The following EML4 variants were observed in gnomAD, a reference collection of about 807,000 sequenced individuals.
EML4 encodes EMAP like 4.
In EML4, 72 loss-of-function variants were observed where a neutral mutation model predicts 129.0. The ratio of observed to expected loss-of-function variants is 0.56; its 90% confidence interval spans 0.46 to 0.68. The LOEUF (loss-of-function observed/expected upper bound fraction) is 0.68, where lower values mean the gene tolerates loss of function less well. Among genes scored for constraint, EML4 ranks in the 30% least tolerant of loss-of-function variants. EML4 has a pLI of 0.00. For missense variants in EML4, 1,363 were observed against 1,190.6 expected (o/e 1.14, Z -2.13); for synonymous variants, 532 against 405.0 (o/e 1.31, Z -3.77).
intron 19 of EML4, chr2:42,325,246 G>T (rs372358576): frequency 3.3e-6 from 2 of 599,402 alleles, no homozygotes; most frequent in Non-Finnish European, 6.4e-6. Context: ...ACAGGTAGTA[G>T]GTGCTAGTTT....
chr2:42,316,868 C>G (rs1181020736), intron 18 of EML4, among the ~76,000 whole-genome samples: 1 of 152,166 alleles, frequency 6.6e-6, no homozygotes, highest in Non-Finnish European at 1.5e-5. Context: ...TCATGAAGCA[C>G]AAAAATTTTA....
chr2:42,252,341 G>A (rs11687386), intron 2 of EML4, among the ~76,000 whole-genome samples: 44,148 of 151,894 alleles, frequency 0.29, 7,656 homozygotes, highest in East Asian at 0.56. Flanking sequence ...CTTCATCCTG[G>A]CATTATGATG....
intron 2 of EML4, among the ~76,000 whole-genome samples, chr2:42,248,933 A>G (rs1033045577): frequency 9.2e-5 from 14 of 152,254 alleles, no homozygotes; most frequent in Middle Eastern, 6.8e-3. Flanking sequence ...TATGTTTCCA[A>G]TAGTGATATT....
intron 9 of EML4, 40 bp downstream of exon 9, chr2:42,284,743 T>C (rs1317022311): frequency 6.9e-7 from 1 of 1,446,468 alleles, no homozygotes. Flanking sequence ...CCTAGAGACA[T>C]TGCTGTTAGA....
chr2:42,231,784 C>G (rs1388657965), intron 1 of EML4, among the ~76,000 whole-genome samples: 1 of 152,064 alleles, frequency 6.6e-6, no homozygotes, highest in Non-Finnish European at 1.5e-5. Context: ...CCTGTCTCTA[C>G]TAAATATACA....
intron 1 of EML4, among the ~76,000 whole-genome samples, chr2:42,231,649 A>T (rs924713752): frequency 6.6e-6 from 1 of 152,084 alleles, no homozygotes; most frequent in South Asian, 2.1e-4. Context: ...AGTATCATCT[A>T]TTAAAATTAT....
chr2:42,185,210 G>T lies in EML4; in HGVS notation c.25+15574G>T, dbSNP rs147948434. On this transcript the variant is annotated intron_variant, in intron 1 of 22. Coordinates refer to ENST00000318522, the MANE Select transcript of EML4 (RefSeq NM_019063.5). ...CACCTTCTGGCCAGCCTGGTCTCTT[G>T]TTCGTTCTGTCTGAGAAAATGGTTT... 3.3e-3 allele frequency among the ~76,000 whole-genome samples: 495 copies of T among 152,112 alleles called. 2 individuals are homozygous for T. The highest frequency in any genetic ancestry group is 0.011 in the African/African-American group (475 of 41,496).
chr2:42,292,382 G>C (rs1446860063), intron 11 of EML4, among the ~76,000 whole-genome samples: 1 of 152,202 alleles, frequency 6.6e-6, no homozygotes, highest in African/African-American at 2.4e-5. Context: ...CCCATCAGCA[G>C]GAGAATGGTT....
intron 1 of EML4, among the ~76,000 whole-genome samples, chr2:42,202,237 T>C (rs1672277079): frequency 6.6e-6 from 1 of 152,120 alleles, no homozygotes; most frequent in African/African-American, 2.4e-5. Context: ...ATGATGTCTG[T>C]AGTTAGTAAT....
chr2:42,230,787 T>C (rs1304751311), intron 1 of EML4, among the ~76,000 whole-genome samples: 2 of 152,190 alleles, frequency 1.3e-5, no homozygotes, highest in African/African-American at 2.4e-5. Context: ...AAGACAAATA[T>C]CTTCACCTCC....
chr2:42,330,662 T>C lies in EML4; in HGVS notation c.*455T>C. On this transcript the variant is annotated 3_prime_UTR_variant, in exon 23 of 23. Transcript: ENST00000318522. ...CTGAAAAAGAAACCAGAAAAAAATGTACTCTTACTGAGATACCCTCTCACC... is the reference window on the plus strand; with the variant it reads ...CTGAAAAAGAAACCAGAAAAAAATGCACTCTTACTGAGATACCCTCTCACC... 1 of 275,224 alleles carries C rather than the reference T, an allele frequency of 3.6e-6. No individual in the cohort carries two copies. The highest frequency in any genetic ancestry group is 5.8e-5 in the East Asian group (1 of 17,366). 17.0% of individuals were successfully genotyped at this position (275,224 alleles called of 1,614,324 possible).
chr2:42,258,114 C>G (rs1038818546), intron 3 of EML4, among the ~76,000 whole-genome samples: 1 of 152,078 alleles, frequency 6.6e-6, no homozygotes, highest in Admixed American at 6.5e-5. Context: ...ATTAGTGATT[C>G]AACAATCCAA....
chr2:42,259,440 A>G (rs72970087), intron 3 of EML4, among the ~76,000 whole-genome samples: 271 of 152,268 alleles, frequency 1.8e-3, no homozygotes, highest in Non-Finnish European at 3.2e-3. Flanking sequence ...GTCAAAGTAC[A>G]TAATCAAAAG....
At chr2:42,203,167 C>T (rs1215851643) in intron 1 of EML4, among the ~76,000 whole-genome samples, 1 of 152,126 alleles carries the variant, frequency 6.6e-6, no homozygotes. Flanking sequence ...CACTCTATAA[C>T]GTATGCATAT....
intron 13 of EML4, among the ~76,000 whole-genome samples, chr2:42,297,459 A>G (rs1401677605): frequency 6.6e-6 from 1 of 152,182 alleles, no homozygotes; most frequent in African/African-American, 2.4e-5. Flanking sequence ...ACCTCTCTAC[A>G]TATGCACAAA....
chr2:42,312,946 CTTT>C (rs753939714), intron 17 of EML4, among the ~76,000 whole-genome samples: 72 of 114,284 alleles, frequency 6.3e-4, no homozygotes, highest in African/African-American at 1.8e-3. Context: ...CAATGTATAT[CTTT>C]TTTTTTTTTT....
chr2:42,212,135 C>G (rs72796530), intron 1 of EML4, among the ~76,000 whole-genome samples: 4 of 152,044 alleles, frequency 2.6e-5, no homozygotes, highest in African/African-American at 9.7e-5. Flanking sequence ...TGTGAGCTAC[C>G]GTGCCTGATC....
chr2:42,259,766 G>C (rs2104375496), intron 3 of EML4, among the ~76,000 whole-genome samples: 1 of 115,722 alleles, frequency 8.6e-6, no homozygotes, highest in East Asian at 2.6e-4. Flanking sequence ...GTCTCGCTCT[G>C]TCACCCAGGC....
rs1670136429 is a variant in EML4 at position 42,332,157 on chromosome 2, C to T, written c.*1950C>T. 4.5e-6 allele frequency: 1 copy of T among 220,416 alleles called. No homozygotes were observed. The highest frequency in any genetic ancestry group is 2.2e-5 in the African/African-American group (1 of 44,530). 13.7% of individuals were successfully genotyped at this position (220,416 alleles called of 1,614,324 possible). A position where few individuals can be genotyped will look rare whatever the true frequency, so the allele number is the denominator to read the frequency against. ...CAGGCAGTTCTTGGAGAAGAAAGAG[C>T]ATTTCTTTAAGTACCTGGGGAATAC... On this transcript the variant is annotated 3_prime_UTR_variant, in exon 23 of 23. Transcript: ENST00000318522.
Sources: gnomAD v4.1 joint callset for allele counts (sites outside exome capture counted in the v4.1 genomes callset) on GRCh38, gnomAD v4.1.1 for gene constraint, MANE v1.5 for transcripts, NCBI Gene and HGNC (gene_info 2026-07-23, HGNC 2026-07-21) for gene names.